The following NFIA variants were observed in gnomAD, a reference collection of about 807,000 sequenced individuals.
The protein encoded by NFIA is nuclear factor 1 A-type.
A neutral mutation model predicts 62.8 loss-of-function variants in NFIA; 8 were observed. That is an observed-to-expected ratio of 0.13 (90% CI 0.07 to 0.23). The LOEUF is 0.23. NFIA is among the 10% of genes least tolerant of loss of function. The probability of loss-of-function intolerance (pLI) is 1.00; values close to 1 mark genes in which losing one functional copy is unlikely to be tolerated. For synonymous variants in NFIA, 235 were observed against 238.1 expected (o/e 0.99, Z 0.12); for missense variants, 410 against 642.1 (o/e 0.64, Z 3.91).
chr1:61,244,284 G>GA (rs770264512), intron 2 of NFIA, among the ~76,000 whole-genome samples: 3 of 152,212 alleles, frequency 2.0e-5, no homozygotes, highest in Non-Finnish European at 2.9e-5. Flanking sequence ...CTCCTCTGAG[G>GA]ACTCTTGCCA....
rs775819749 is a variant in NFIA, at chr1:61,406,549, C to CT, written c.1255-13_1255-12insT. 1.9e-6 allele frequency: 2 copies of CT among 1,028,106 alleles called. No individual in the cohort carries two copies. The highest frequency in any genetic ancestry group is 2.7e-6 in the Non-Finnish European group (2 of 750,898). 63.7% of individuals were successfully genotyped at this position (1,028,106 alleles called of 1,614,324 possible). ...TCTTGTACGTGTGTTTTCTGCCCCC[C>CT]CCCCCCCCACAGCCCAATGGGAGCA... On this transcript the variant is annotated splice_polypyrimidine_tract_variant and intron_variant, in intron 8 of 10. Coordinates refer to ENST00000403491, the MANE Select transcript of NFIA (RefSeq NM_001134673.4).
chr1:61,135,956 A>T (rs527954051), intron 2 of NFIA, among the ~76,000 whole-genome samples: 5 of 152,358 alleles, frequency 3.3e-5, no homozygotes, highest in Admixed American at 2.0e-4. Context: ...GGGCTATTGA[A>T]AAAAATCAGA....
intron 4 of NFIA, among the ~76,000 whole-genome samples, chr1:61,333,836 A>G (rs1363153084): frequency 6.6e-6 from 1 of 152,078 alleles, no homozygotes; most frequent in Non-Finnish European, 1.5e-5. Context: ...CGTCTCGACT[A>G]AAAATACAAA....
At chr1:61,348,551 A>G (rs1352502692) in intron 4 of NFIA, among the ~76,000 whole-genome samples, 1 of 152,182 alleles carries the variant, frequency 6.6e-6, no homozygotes, top group East Asian at 1.9e-4. Flanking sequence ...TGACCAAGCT[A>G]AGCCCGTTTA....
At chr1:61,423,031 A>T (rs934084352) in intron 9 of NFIA, among the ~76,000 whole-genome samples, 4 of 152,154 alleles carry the variant, frequency 2.6e-5, no homozygotes, top group Non-Finnish European at 5.9e-5. Flanking sequence ...TGGATATGGG[A>T]TCAAATTCTG....
intron 2 of NFIA, among the ~76,000 whole-genome samples, chr1:61,103,243 G>A (rs1171646828): frequency 6.6e-6 from 1 of 152,142 alleles, no homozygotes; most frequent in Non-Finnish European, 1.5e-5. Context: ...AGGTTCTATT[G>A]TAGTACAGGT....
At chr1:61,408,506 G>T (rs1247652946) in intron 9 of NFIA, among the ~76,000 whole-genome samples, 1 of 152,200 alleles carries the variant, frequency 6.6e-6, no homozygotes, top group Admixed American at 6.5e-5. Flanking sequence ...CCATGCCTCT[G>T]CATACCATTT....
chr1:61,185,136 C>T (rs370975025), intron 2 of NFIA, among the ~76,000 whole-genome samples: 5 of 152,122 alleles, frequency 3.3e-5, no homozygotes, highest in African/African-American at 1.2e-4. Flanking sequence ...CATGCTTTAT[C>T]TTTGCACCCT....
rs1255393433 is a variant in NFIA at position 61,456,594 on chromosome 1, C to A, written c.*1274C>A. 1 of 151,188 alleles carries A rather than the reference C, an allele frequency of 6.6e-6. No individual in the cohort carries two copies. Among genetic ancestry groups the A allele is most frequent in the African/African-American group, 2.4e-5 (1 of 41,242 alleles). The allele number at this position is 151,188 out of a possible 1,614,324, so 9.4% of individuals were successfully genotyped here. On this transcript the variant is annotated 3_prime_UTR_variant, in exon 11 of 11. Transcript: ENST00000403491. ...CATAGGATTTATCAGTTATCAGACA[C>A]CTCATTGTACCAGAGATTGTCCAGA...
intron 6 of NFIA, among the ~76,000 whole-genome samples, chr1:61,360,456 T>C (rs1663229238): frequency 6.6e-6 from 1 of 152,234 alleles, no homozygotes; most frequent in Non-Finnish European, 1.5e-5. Flanking sequence ...CTGACAGTAC[T>C]AATAGCTATT....
rs774297484 is a variant in NFIA at position 61,306,269 on chromosome 1, C to CTTTTTTTTTTTTTTTTT, written c.626-26234_626-26218dup. 2.5e-4 allele frequency among the ~76,000 whole-genome samples: 15 copies of CTTTTTTTTTTTTTTTTT among 60,624 alleles called. 2 individuals are homozygous for CTTTTTTTTTTTTTTTTT. The highest frequency in any genetic ancestry group is 4.0e-4 in the Non-Finnish European group (15 of 37,346). The allele number at this position is 60,624 out of a possible 152,430, so 39.8% of individuals were successfully genotyped here. Reference sequence around the variant, plus strand: ...TCATCCTGGAGACCCAGATTTTGTTCTTTTTTTTTTTTTTTTTTTTTTTTT... The same window carrying CTTTTTTTTTTTTTTTTT: ...TCATCCTGGAGACCCAGATTTTGTTCTTTTTTTTTTTTTTTTTTTTTTTTTTTTTTTTTTTTTTTTTT... On this transcript the variant is annotated intron_variant, in intron 3 of 10. Coordinates refer to ENST00000403491, the MANE Select transcript of NFIA (RefSeq NM_001134673.4).
intron 2 of NFIA, among the ~76,000 whole-genome samples, chr1:61,220,164 C>G (rs1653931346): frequency 6.6e-6 from 1 of 152,120 alleles, no homozygotes; most frequent in African/African-American, 2.4e-5. Context: ...AGAAACCCCA[C>G]AATATTAGTG....
intron 2 of NFIA, among the ~76,000 whole-genome samples, chr1:61,133,341 A>G (rs1283413670): frequency 6.6e-6 from 1 of 151,942 alleles, no homozygotes; most frequent in Non-Finnish European, 1.5e-5. Flanking sequence ...TGTGGTCTTA[A>G]TTTTTAATGA....
intron 10 of NFIA, among the ~76,000 whole-genome samples, chr1:61,449,482 G>A (rs1021747596): frequency 6.6e-6 from 1 of 152,194 alleles, no homozygotes; most frequent in Non-Finnish European, 1.5e-5. Flanking sequence ...GAGGGTAAAG[G>A]CCCCAAGAAA....
intron 3 of NFIA, among the ~76,000 whole-genome samples, chr1:61,321,045 T>C (rs1321810455): frequency 6.6e-6 from 1 of 152,184 alleles, no homozygotes. Flanking sequence ...TAAGTTTGCT[T>C]TTTAAAAAAC....
At chr1:61,390,355 G>A (rs558391729) in intron 7 of NFIA, among the ~76,000 whole-genome samples, 27 of 152,246 alleles carry the variant, frequency 1.8e-4, no homozygotes, top group Non-Finnish European at 1.9e-4. Context: ...CACGATGGGA[G>A]TTTAGAAGTA....
At chr1:61,091,701 C>G (rs1646322779) in intron 2 of NFIA, among the ~76,000 whole-genome samples, 1 of 152,112 alleles carries the variant, frequency 6.6e-6, no homozygotes, top group African/African-American at 2.4e-5. Flanking sequence ...TGATCTGTAT[C>G]AGAATCTACA....
At chr1:61,250,573 T>C (rs574424661) in intron 2 of NFIA, among the ~76,000 whole-genome samples, 1 of 152,314 alleles carries the variant, frequency 6.6e-6, no homozygotes, top group South Asian at 2.1e-4. Flanking sequence ...GACAAAAATT[T>C]GAATTGTAAG....
At chr1:61,121,650 T>C (rs1273684784) in intron 2 of NFIA, among the ~76,000 whole-genome samples, 1 of 152,180 alleles carries the variant, frequency 6.6e-6, no homozygotes, top group Non-Finnish European at 1.5e-5. Flanking sequence ...CATAAAAGAA[T>C]CTTTCTGCTC....
Sources: allele counts gnomAD v4.1 joint callset (sites outside exome capture counted in the v4.1 genomes callset), GRCh38; gene constraint gnomAD v4.1.1; transcripts MANE v1.5; gene names NCBI Gene and HGNC (gene_info 2026-07-23, HGNC 2026-07-21).